Variants in OCA2 observed in about 807,000 individuals in gnomAD.
OCA2 encodes the protein P protein.
A neutral mutation model predicts 100.2 loss-of-function variants in OCA2; 77 were observed. The ratio of observed to expected loss-of-function variants is 0.77; its 90% CI spans 0.64 to 0.93. The LOEUF is 0.93. Among genes scored for constraint, OCA2 ranks in the 40% least tolerant of loss-of-function variants. The probability of loss-of-function intolerance (pLI) is 0.00; values close to 1 mark genes in which losing one functional copy is unlikely to be tolerated. For synonymous variants in OCA2, 432 were observed against 439.2 expected (o/e 0.98, Z 0.21); for missense variants, 1,062 against 1,089.1 (o/e 0.98, Z 0.35).
At chr15:27,863,916 G>A (rs1036851213) in intron 21 of OCA2, among the ~76,000 whole-genome samples, 7 of 152,010 alleles carry the variant, frequency 4.6e-5, no homozygotes, top group Non-Finnish European at 7.4e-5. Context: ...GTATTGTGTC[G>A]GTGGGACACA....
At chr15:28,096,798 G>C (rs1021735722) in intron 1 of OCA2, among the ~76,000 whole-genome samples, 4 of 152,118 alleles carry the variant, frequency 2.6e-5, no homozygotes, top group Non-Finnish European at 4.4e-5. Flanking sequence ...AGAGGGCCTC[G>C]GGAGGCCGCG....
intron 9 of OCA2, among the ~76,000 whole-genome samples, chr15:28,011,639 G>A (rs919765023): frequency 2.6e-5 from 4 of 152,098 alleles, no homozygotes; most frequent in Non-Finnish European, 5.9e-5. Context: ...AAACTGGCCC[G>A]GCACAGTGGC....
rs1213404912 is a variant in OCA2 at position 27,871,180 on chromosome 15, C to A, written c.2218G>T (p.Asp740Tyr). Residue 740 changes from aspartate (D) to tyrosine (Y), a missense_variant, in exon 21 of 24, where the codon GAC becomes TAC. Transcript: ENST00000354638. The stretch of plus-strand genomic sequence containing the variant: ...ATGGTAGCAGTGAACGGGATGTTGT[C>A]AATCAGGGACGACGCCAGGGCTGAG... Reference protein sequence around the residue: ...WVSALASSLIDNIPFTATMIP... With the variant: ...WVSALASSLIYNIPFTATMIP... 6.2e-7 allele frequency: 1 copy of A among 1,613,986 alleles called. No individual in the cohort carries two copies.
At position 27,771,626 on chromosome 15, in the gene OCA2, G is replaced by T. The variant is rs571286621; in HGVS notation, c.2433-16154C>A. Among the ~76,000 whole-genome samples the T allele has an allele frequency of 5.9e-5, 9 of 152,336 alleles. No individual in the cohort carries two copies. In the East Asian group the frequency reaches 1.7e-3, roughly 29 times the overall value. On this transcript the variant is annotated intron_variant, in intron 23 of 23. Transcript: ENST00000354638. Reference sequence around the variant, plus strand: ...GAGATCCCAAAGACAGTATCCATTGGTTCCACTAGTTTCTAGAATTTTAAT... The same window carrying T: ...GAGATCCCAAAGACAGTATCCATTGTTTCCACTAGTTTCTAGAATTTTAAT...
At chr15:28,021,358 A>G (rs1002322277) in intron 6 of OCA2, among the ~76,000 whole-genome samples, 1 of 152,136 alleles carries the variant, frequency 6.6e-6, no homozygotes, top group Non-Finnish European at 1.5e-5. Context: ...ACATCAGTTA[A>G]CCGCCCACTC....
At chr15:27,835,676 C>T (rs940766034) in intron 23 of OCA2, among the ~76,000 whole-genome samples, 4 of 152,238 alleles carry the variant, frequency 2.6e-5, no homozygotes, top group African/African-American at 7.2e-5. Flanking sequence ...GTGCCTCAGG[C>T]GCAGGCCCTG....
chr15:27,915,687 A>C (rs1390165438), intron 19 of OCA2, among the ~76,000 whole-genome samples: 1 of 152,224 alleles, frequency 6.6e-6, no homozygotes, highest in Non-Finnish European at 1.5e-5. Context: ...TTAGTATTAA[A>C]AAGTGAAAAA....
intron 19 of OCA2, among the ~76,000 whole-genome samples, chr15:27,883,467 T>C (rs567465341): frequency 1.5e-4 from 23 of 152,284 alleles, no homozygotes; most frequent in African/African-American, 5.3e-4. Flanking sequence ...CTTGCCAATA[T>C]CTAAAATTTT....
chr15:28,008,181 G>A (rs1239385570), intron 9 of OCA2, among the ~76,000 whole-genome samples: 2 of 152,158 alleles, frequency 1.3e-5, no homozygotes, highest in South Asian at 2.1e-4. Flanking sequence ...GTAGAGTAGA[G>A]TTTCCTCTTC....
intron 18 of OCA2, among the ~76,000 whole-genome samples, chr15:27,928,532 C>T (rs1033521999): frequency 5.9e-5 from 9 of 152,164 alleles, no homozygotes; most frequent in Admixed American, 3.9e-4. Context: ...ACAGTGTTGG[C>T]AGGGCTGCGT....
At position 27,922,678 on chromosome 15, in the gene OCA2, GGGGTGTGTGTGT is replaced by G. The variant is rs1373433112; in HGVS notation, c.2079+3437_2079+3448del. Among the ~76,000 whole-genome samples the G allele has an allele frequency of 1.8e-4, 18 of 99,006 alleles. 1 individual carries two copies. Among genetic ancestry groups the G allele is most frequent in the Admixed American group, 1.8e-3 (15 of 8,518 alleles). The allele number at this position is 99,006 out of a possible 152,430, so 65.0% of individuals were successfully genotyped here. Reference sequence around the variant, plus strand: ...ACATAGCTTTTGTGGTTTTTTGTTTGGGGTGTGTGTGTGTGTGTGTGTGTGTGTGTGTGTGTG... The same window carrying G: ...ACATAGCTTTTGTGGTTTTTTGTTTGGTGTGTGTGTGTGTGTGTGTGTGTG... On this transcript the variant is annotated intron_variant, in intron 19 of 23. Transcript: ENST00000354638.
chr15:27,821,007 C>A (rs1181716496), intron 23 of OCA2, among the ~76,000 whole-genome samples: 1 of 152,088 alleles, frequency 6.6e-6, no homozygotes, highest in African/African-American at 2.4e-5. Flanking sequence ...TGCAGGCGCC[C>A]TCCCTCTACC....
At chr15:27,946,843 C>T (rs1302063832) in intron 18 of OCA2, among the ~76,000 whole-genome samples, 2 of 152,208 alleles carry the variant, frequency 1.3e-5, no homozygotes, top group Non-Finnish European at 2.9e-5. Context: ...CTCATTTTCC[C>T]TCTGCCTTTC....
chr15:27,902,763 C>G (rs2038004457), intron 19 of OCA2, among the ~76,000 whole-genome samples: 1 of 152,218 alleles, frequency 6.6e-6, no homozygotes, highest in Non-Finnish European at 1.5e-5. Flanking sequence ...GGGATGGCCA[C>G]AGGGAGATGC....
At chr15:27,883,044 T>C (rs191873943) in intron 19 of OCA2, among the ~76,000 whole-genome samples, 1 of 152,144 alleles carries the variant, frequency 6.6e-6, no homozygotes, top group South Asian at 2.1e-4. Flanking sequence ...CTGAGGCTAG[T>C]GCAAGTTCAT....
intron 4 of OCA2, among the ~76,000 whole-genome samples, chr15:28,027,080 C>G (rs573077670): frequency 4.0e-4 from 61 of 152,348 alleles, no homozygotes; most frequent in Non-Finnish European, 8.2e-4. Flanking sequence ...ATGATGCTTT[C>G]AAACATGTCC....
At chr15:28,097,356 G>A (rs2141986229) in intron 1 of OCA2, among the ~76,000 whole-genome samples, 1 of 152,342 alleles carries the variant, frequency 6.6e-6, no homozygotes, top group Non-Finnish European at 1.5e-5. Flanking sequence ...AACAACCAGC[G>A]AGTGAGCTGG....
intron 2 of OCA2, among the ~76,000 whole-genome samples, chr15:28,070,744 T>G (rs200490232): frequency 0.098 from 14,607 of 149,250 alleles, 1,505 homozygotes; most frequent in East Asian, 0.64. Flanking sequence ...GGGAAGAGAT[T>G]GAGAAATCGG....
At position 27,802,275 on chromosome 15, in the gene OCA2, C is replaced by T. The variant is rs150775075; in HGVS notation, c.2432+42684G>A. 4.2e-3 allele frequency among the ~76,000 whole-genome samples: 641 copies of T among 152,096 alleles called. 7 individuals carry two copies. Among genetic ancestry groups the T allele is most frequent in the African/African-American group, 0.014 (598 of 41,496 alleles). On this transcript the variant is annotated intron_variant, in intron 23 of 23. Coordinates refer to ENST00000354638, the MANE Select transcript of OCA2 (RefSeq NM_000275.3). ...AAAGACTTGTACACTGAAAACAACA[C>T]AATATTGCTGAAAGAAATAAAAGAA...
Sources: allele counts gnomAD v4.1 joint callset (sites outside exome capture counted in the v4.1 genomes callset), GRCh38; gene constraint gnomAD v4.1.1; transcripts MANE v1.5; gene names NCBI Gene and HGNC (gene_info 2026-07-23, HGNC 2026-07-21).